The following CDH13 variants were observed in gnomAD, a reference collection of about 807,000 sequenced individuals.
The protein encoded by CDH13 is cadherin-13.
In CDH13, 24 loss-of-function variants were observed where a neutral mutation model predicts 63.8. The observed-to-expected ratio is 0.38, with a 90% CI of 0.27 to 0.53. The LOEUF (loss-of-function observed/expected upper bound fraction) is 0.53, where lower values mean the gene tolerates loss of function less well. Among genes scored for constraint, CDH13 ranks in the 20% least tolerant of loss-of-function variants. The pLI is 0.85. For synonymous variants in CDH13, 503 were observed against 355.3 expected (o/e 1.42, Z -4.67); for missense variants, 1,049 against 903.1 (o/e 1.16, Z -2.07).
At chr16:83,709,933 C>T (rs1286850292) in intron 10 of CDH13, among the ~76,000 whole-genome samples, 1 of 152,136 alleles carries the variant, frequency 6.6e-6, no homozygotes, top group Non-Finnish European at 1.5e-5. Context: ...ATTTAAGAAA[C>T]ATTATTCATT....
At position 83,528,596 on chromosome 16, in the gene CDH13, A is replaced by G. The variant is rs142271072; in HGVS notation, c.960+41941A>G. ...TCTTATTTCAAAAGGGATTTCTACT[A>G]TAAATATTAGATCATCTGTCTCTAA... On this transcript the variant is annotated intron_variant, in intron 7 of 13. Coordinates refer to ENST00000567109, the MANE Select transcript of CDH13 (RefSeq NM_001257.5). 8.9e-3 allele frequency among the ~76,000 whole-genome samples: 1,357 copies of G among 152,312 alleles called. 19 individuals are homozygous for G. The highest frequency in any genetic ancestry group is 0.03 in the African/African-American group (1,263 of 41,562).
At chr16:83,776,221 T>C (rs1404024794) in intron 11 of CDH13, among the ~76,000 whole-genome samples, 1 of 152,210 alleles carries the variant, frequency 6.6e-6, no homozygotes. Flanking sequence ...TTTCAAATGC[T>C]CATAACGCCT....
At chr16:82,651,105 C>A (rs1208112816) in intron 1 of CDH13, among the ~76,000 whole-genome samples, 1 of 152,108 alleles carries the variant, frequency 6.6e-6, no homozygotes, top group East Asian at 1.9e-4. Flanking sequence ...AGTTGTCCCT[C>A]CTGGGATAGA....
chr16:82,799,948 C>T (rs562888774), intron 1 of CDH13, among the ~76,000 whole-genome samples: 3 of 152,214 alleles, frequency 2.0e-5, no homozygotes, highest in African/African-American at 4.8e-5. Flanking sequence ...GGAACCACTG[C>T]GTTATCATGA....
Position 83,794,997 on chromosome 16 carries a change from C to G in CDH13, c.2135-26C>G, listed in dbSNP as rs1002666620. 31 of 1,588,954 alleles carry G rather than the reference C, an allele frequency of 2.0e-5. No homozygotes were observed. The Admixed American group carries it at 3.0e-4, about 15-fold the overall frequency. ...TTGAATTGAGTGGTGATATTCCCGA[C>G]TTAACTCTGAACCCTCTCTATTCAG... On this transcript the variant is annotated intron_variant, in intron 13 of 13. Transcript: ENST00000567109.
intron 2 of CDH13, among the ~76,000 whole-genome samples, chr16:82,921,039 GA>G (rs2042138229): frequency 1.3e-5 from 2 of 152,054 alleles, no homozygotes; most frequent in Non-Finnish European, 1.5e-5. Context: ...TGTATTAATT[GA>G]TTCTTGAATA....
chr16:82,645,712 G>A (rs1910010194), intron 1 of CDH13, among the ~76,000 whole-genome samples: 1 of 152,096 alleles, frequency 6.6e-6, no homozygotes, highest in African/African-American at 2.4e-5. Flanking sequence ...TGAAGCTGGG[G>A]CTGTGAAAAG....
At chr16:83,140,709 C>G (rs2036493536) in intron 4 of CDH13, among the ~76,000 whole-genome samples, 2 of 152,154 alleles carry the variant, frequency 1.3e-5, no homozygotes, top group Non-Finnish European at 2.9e-5. Flanking sequence ...CCCGCCTGGG[C>G]CTCCAAAAGT....
chr16:83,331,670 A>C (rs1003842063), intron 5 of CDH13, among the ~76,000 whole-genome samples: 7 of 152,246 alleles, frequency 4.6e-5, no homozygotes, highest in African/African-American at 1.7e-4. Flanking sequence ...ATATTTTAGC[A>C]TAATCTTGAT....
At chr16:83,120,048 C>CT (rs5818427) in intron 3 of CDH13, among the ~76,000 whole-genome samples, 119,126 of 151,732 alleles carry the variant, frequency 0.79, 46,957 homozygotes, top group Admixed American at 0.84. Context: ...TCAGTCGTTC[C>CT]TTAAGATGCC....
chr16:82,747,844 T>C (rs1597464502), intron 1 of CDH13, among the ~76,000 whole-genome samples: 1 of 152,234 alleles, frequency 6.6e-6, no homozygotes, highest in South Asian at 2.1e-4. Context: ...ATTGGCCTTT[T>C]CACTTGCATT....
chr16:83,682,435 T>C (rs1199971577), intron 10 of CDH13, among the ~76,000 whole-genome samples: 1 of 152,136 alleles, frequency 6.6e-6, no homozygotes, highest in African/African-American at 2.4e-5. Flanking sequence ...GGCTGTGTTT[T>C]TCACAATTAT....
At chr16:82,939,298 C>A (rs192309226) in intron 2 of CDH13, among the ~76,000 whole-genome samples, 1 of 152,100 alleles carries the variant, frequency 6.6e-6, no homozygotes, top group Admixed American at 6.5e-5. Context: ...TGGTGTGCAC[C>A]TGTAGTTCCA....
intron 3 of CDH13, among the ~76,000 whole-genome samples, chr16:83,063,640 C>T (rs142705567): frequency 6.6e-6 from 1 of 152,180 alleles, no homozygotes; most frequent in African/African-American, 2.4e-5. Flanking sequence ...TTTATCTCTA[C>T]TAGTTTCCTG....
intron 4 of CDH13, among the ~76,000 whole-genome samples, chr16:83,183,753 G>A (rs1035724303): frequency 6.6e-6 from 1 of 152,188 alleles, no homozygotes; most frequent in African/African-American, 2.4e-5. Context: ...TGGTAGTCTA[G>A]TCTCAGACAT....
chr16:83,378,512 G>C (rs1037361431), intron 6 of CDH13, among the ~76,000 whole-genome samples: 1 of 152,212 alleles, frequency 6.6e-6, no homozygotes, highest in Non-Finnish European at 1.5e-5. Context: ...GTCCCCTTCA[G>C]TTGGATTGGC....
intron 1 of CDH13, among the ~76,000 whole-genome samples, chr16:82,757,759 A>G (rs1489513344): frequency 6.6e-6 from 1 of 151,350 alleles, no homozygotes; most frequent in Non-Finnish European, 1.5e-5. Flanking sequence ...ATCCTGGCTC[A>G]GCTTTCGGAG....
chr16:83,197,966 A>G (rs1465791867), intron 4 of CDH13, among the ~76,000 whole-genome samples: 1 of 152,180 alleles, frequency 6.6e-6, no homozygotes, highest in East Asian at 1.9e-4. Flanking sequence ...TTTTTTGCAA[A>G]TGCATGTGCA....
intron 1 of CDH13, among the ~76,000 whole-genome samples, chr16:82,744,488 T>A (rs1477388839): frequency 1.3e-5 from 2 of 152,186 alleles, no homozygotes; most frequent in African/African-American, 4.8e-5. Flanking sequence ...TTGGTCCAGT[T>A]AATGTATCTA....
Sources: allele counts gnomAD v4.1 joint callset (sites outside exome capture counted in the v4.1 genomes callset), GRCh38; gene constraint gnomAD v4.1.1; transcripts MANE v1.5; gene names NCBI Gene and HGNC (gene_info 2026-07-23, HGNC 2026-07-21).